Variants in DOK6 observed in about 807,000 individuals in gnomAD.
The protein encoded by DOK6 is docking protein 6.
In DOK6, 22 loss-of-function variants were observed where a neutral mutation model predicts 44.0. The observed-to-expected ratio is 0.50, with a 90% CI of 0.36 to 0.71. DOK6 has a LOEUF of 0.71. Among genes scored for constraint, DOK6 ranks in the 30% least tolerant of loss-of-function variants. DOK6 has a pLI of 0.00. For missense variants in DOK6, 340 were observed against 416.4 expected (o/e 0.82, Z 1.60); for synonymous variants, 166 against 145.5 (o/e 1.14, Z -1.01).
chr18:69,443,972 T>C (rs532869850), intron 1 of DOK6, among the ~76,000 whole-genome samples: 1 of 152,056 alleles, frequency 6.6e-6, no homozygotes, highest in Non-Finnish European at 1.5e-5. Context: ...ATCATATATA[T>C]ATATACACAC....
At chr18:69,727,812 T>G (rs971114677) in intron 5 of DOK6, among the ~76,000 whole-genome samples, 2 of 152,198 alleles carry the variant, frequency 1.3e-5, no homozygotes, top group African/African-American at 2.4e-5. Context: ...CAGGAACCCC[T>G]TCTCACTGGG....
intron 3 of DOK6, among the ~76,000 whole-genome samples, chr18:69,632,599 A>G (rs1397903010): frequency 6.6e-6 from 1 of 152,220 alleles, no homozygotes; most frequent in Non-Finnish European, 1.5e-5. Flanking sequence ...GACAACCAAG[A>G]TGATTGTAGC....
At chr18:69,759,943 C>T (rs1442685609) in intron 7 of DOK6, among the ~76,000 whole-genome samples, 2 of 152,108 alleles carry the variant, frequency 1.3e-5, no homozygotes, top group Non-Finnish European at 2.9e-5. Context: ...TTTCACTATA[C>T]TGTGGGTTTA....
At chr18:69,564,442 C>A in intron 1 of DOK6, 45 bp from the exon 2 acceptor site, 1 of 1,559,150 alleles carries the variant, frequency 6.4e-7, no homozygotes, top group Non-Finnish European at 8.8e-7. Flanking sequence ...ATGTCGTAAA[C>A]TCATGTAAAA....
intron 7 of DOK6, among the ~76,000 whole-genome samples, chr18:69,771,180 A>C (rs60498244): frequency 1.3e-5 from 2 of 152,040 alleles, no homozygotes; most frequent in Non-Finnish European, 2.9e-5. Flanking sequence ...GTGAATAAAA[A>C]GGTAAAAATC....
At position 69,842,862 on chromosome 18, in the gene DOK6, G is replaced by C. The variant is rs1289284145; in HGVS notation, c.*1479G>C. 3 of 152,132 alleles carry C rather than the reference G, an allele frequency of 2.0e-5. No homozygotes were observed. Among genetic ancestry groups the C allele is most frequent in the Non-Finnish European group, 4.4e-5 (3 of 68,022 alleles). 9.4% of individuals were successfully genotyped at this position (152,132 alleles called of 1,614,324 possible). On this transcript the variant is annotated 3_prime_UTR_variant, in exon 8 of 8. Coordinates refer to ENST00000382713, the MANE Select transcript of DOK6 (RefSeq NM_152721.6). Reference sequence around the variant, plus strand: ...TACTCTAGGGTGGGTTTAAAGAACAGTGAGCTCAGGTCACGCAAGATGAAA... The same window carrying C: ...TACTCTAGGGTGGGTTTAAAGAACACTGAGCTCAGGTCACGCAAGATGAAA...
chr18:69,634,810 G>GT (rs957335371), intron 3 of DOK6, among the ~76,000 whole-genome samples: 7 of 152,126 alleles, frequency 4.6e-5, no homozygotes, highest in Non-Finnish European at 7.4e-5. Flanking sequence ...CAGGGTAAGA[G>GT]TTTTTTTATT....
At chr18:69,648,054 A>G (rs1985128980) in intron 3 of DOK6, among the ~76,000 whole-genome samples, 1 of 152,194 alleles carries the variant, frequency 6.6e-6, no homozygotes, top group South Asian at 2.1e-4. Context: ...TCATATAATC[A>G]TCATGAAGCC....
At chr18:69,587,794 C>CACACACAT (rs3222085) in intron 2 of DOK6, among the ~76,000 whole-genome samples, 48 of 151,840 alleles carry the variant, frequency 3.2e-4, no homozygotes, top group Admixed American at 5.2e-4. Flanking sequence ...CACACACACA[C>CACACACAT]GAGAAGTAAG....
rs1484221398 is a variant in DOK6 at position 69,845,729 on chromosome 18, C to A, written c.*4346C>A. On this transcript the variant is annotated 3_prime_UTR_variant, in exon 8 of 8. Coordinates refer to ENST00000382713, the MANE Select transcript of DOK6 (RefSeq NM_152721.6). ...TCATGGGCTTGGCTTTCTTCCCTGT[C>A]GCCTCATACTGAGTATGCAATTTAC... 2 of 152,170 alleles carry A rather than the reference C, an allele frequency of 1.3e-5. No individual in the cohort carries two copies. Among genetic ancestry groups the A allele is most frequent in the East Asian group, 3.9e-4 (2 of 5,194 alleles). 9.4% of individuals were successfully genotyped at this position (152,170 alleles called of 1,614,324 possible).
In DOK6 at chr18:69,824,219, C is replaced by T. The variant is rs1298239195; in HGVS notation, c.857-17025C>T. On this transcript the variant is annotated intron_variant, in intron 7 of 7. Transcript: ENST00000382713. ...CCTCCCCCCACCCCACAACAGGCCC[C>T]GGTGTGTGATGTTCCCCTTCCTGTG... 6.2e-5 allele frequency among the ~76,000 whole-genome samples: 9 copies of T among 144,288 alleles called. No individual in the cohort carries two copies. In the South Asian group the frequency reaches 7.0e-4, roughly 11 times the overall value. The allele number at this position is 144,288 out of a possible 152,430, so 94.7% of individuals were successfully genotyped here.
chr18:69,840,513 C>A (rs1188254743), intron 7 of DOK6, among the ~76,000 whole-genome samples: 1 of 152,214 alleles, frequency 6.6e-6, no homozygotes, highest in East Asian at 1.9e-4. Flanking sequence ...TTTCGGTAAT[C>A]ACTTCTGTTT....
In DOK6 at chr18:69,842,874, C is replaced by T. The variant is rs1368910781; in HGVS notation, c.*1491C>T. ...GGTTTAAAGAACAGTGAGCTCAGGT[C>T]ACGCAAGATGAAAACCCAGGTTTTT... On this transcript the variant is annotated 3_prime_UTR_variant, in exon 8 of 8. Transcript: ENST00000382713. 1 of 152,040 alleles carries T rather than the reference C, an allele frequency of 6.6e-6. No individual in the cohort carries two copies. The highest frequency in any genetic ancestry group is 1.5e-5 in the Non-Finnish European group (1 of 68,024). The allele number at this position is 152,040 out of a possible 1,614,324, so 9.4% of individuals were successfully genotyped here. A position where few individuals can be genotyped will look rare whatever the true frequency, so the allele number is the denominator to read the frequency against.
intron 3 of DOK6, among the ~76,000 whole-genome samples, chr18:69,659,328 T>C (rs1985449854): frequency 6.6e-6 from 1 of 152,238 alleles, no homozygotes; most frequent in Admixed American, 6.5e-5. Context: ...TGGTTCAAAG[T>C]ATTGACACAA....
chr18:69,500,043 C>T (rs572105362), intron 1 of DOK6, among the ~76,000 whole-genome samples: 1 of 152,206 alleles, frequency 6.6e-6, no homozygotes, highest in African/African-American at 2.4e-5. Flanking sequence ...CCTGGCTTCC[C>T]TTTACATCAC....
chr18:69,651,334 G>C (rs72961490), intron 3 of DOK6, among the ~76,000 whole-genome samples: 1 of 151,916 alleles, frequency 6.6e-6, no homozygotes, highest in African/African-American at 2.4e-5. Context: ...TGATATTTTA[G>C]ATATAGTCCA....
intron 3 of DOK6, among the ~76,000 whole-genome samples, chr18:69,631,755 A>T (rs1321207742): frequency 1.3e-5 from 2 of 152,214 alleles, no homozygotes; most frequent in Non-Finnish European, 2.9e-5. Flanking sequence ...ATCTGACTTG[A>T]AAACTACTGC....
intron 7 of DOK6, among the ~76,000 whole-genome samples, chr18:69,808,398 C>T (rs1035404613): frequency 6.6e-6 from 1 of 150,606 alleles, no homozygotes; most frequent in Non-Finnish European, 1.5e-5. Context: ...AACAAAATAA[C>T]CCTAAAGTTA....
At chr18:69,663,701 T>G (rs769111515) in intron 3 of DOK6, among the ~76,000 whole-genome samples, 18 of 152,156 alleles carry the variant, frequency 1.2e-4, no homozygotes, top group Non-Finnish European at 1.8e-4. Context: ...CAGTGGAGCT[T>G]TTAATAAAAT....
Sources: gnomAD v4.1 joint callset for allele counts (sites outside exome capture counted in the v4.1 genomes callset) on GRCh38, gnomAD v4.1.1 for gene constraint, MANE v1.5 for transcripts, NCBI Gene and HGNC (gene_info 2026-07-23, HGNC 2026-07-21) for gene names.